Variants in UBTD1 observed in about 807,000 individuals in gnomAD.
The protein encoded by UBTD1 is ubiquitin domain-containing protein 1.
A neutral mutation model predicts 21.7 loss-of-function variants in UBTD1; 19 were observed. The ratio of observed to expected loss-of-function variants is 0.87; its 90% CI spans 0.61 to 1.28. The LOEUF (loss-of-function observed/expected upper bound fraction) is 1.28, where lower values mean the gene tolerates loss of function less well. Among genes scored for constraint, UBTD1 ranks in the 50% most tolerant of loss-of-function variants. UBTD1 has a pLI of 0.00. For missense variants in UBTD1, 282 were observed against 315.1 expected, an observed-to-expected ratio of 0.89 and a Z score of 0.80; for synonymous variants, 116 against 135.1, an observed-to-expected ratio of 0.86 and a Z score of 0.98.
At chr10:97,512,383 G>C (rs887585414) in intron 1 of UBTD1, among the ~76,000 whole-genome samples, 2 of 152,178 alleles carry the variant, frequency 1.3e-5, no homozygotes, top group African/African-American at 2.4e-5. Flanking sequence ...CAGATCCACA[G>C]AGCCAAGAGC....
At chr10:97,520,379 G>A (rs1292873978) in intron 1 of UBTD1, among the ~76,000 whole-genome samples, 1 of 152,194 alleles carries the variant, frequency 6.6e-6, no homozygotes, top group African/African-American at 2.4e-5. Flanking sequence ...GCCCAGATGA[G>A]CATTGAGTTT....
intron 1 of UBTD1, among the ~76,000 whole-genome samples, chr10:97,546,251 C>T (rs1035400427): frequency 9.9e-5 from 15 of 152,134 alleles, no homozygotes; most frequent in African/African-American, 3.6e-4. Flanking sequence ...GCCAGCCATG[C>T]TGAATTAGAG....
chr10:97,562,856 C>A (rs551153006), intron 1 of UBTD1, among the ~76,000 whole-genome samples: 8 of 152,072 alleles, frequency 5.3e-5, no homozygotes, highest in Non-Finnish European at 8.8e-5. Flanking sequence ...ACATTCCTGT[C>A]TTCTTATATT....
chr10:97,506,660 A>G (rs1247181596), intron 1 of UBTD1, among the ~76,000 whole-genome samples: 1 of 152,118 alleles, frequency 6.6e-6, no homozygotes, highest in African/African-American at 2.4e-5. Flanking sequence ...ATTAAGCACT[A>G]TCCATTTCTT....
chr10:97,544,430 T>A (rs2040599782), intron 1 of UBTD1, among the ~76,000 whole-genome samples: 1 of 152,074 alleles, frequency 6.6e-6, no homozygotes, highest in African/African-American at 2.4e-5. Context: ...GCTGATGGAT[T>A]TCAGATCAAA....
intron 1 of UBTD1, among the ~76,000 whole-genome samples, chr10:97,536,819 C>G (rs2040563919): frequency 6.6e-6 from 1 of 152,110 alleles, no homozygotes; most frequent in Non-Finnish European, 1.5e-5. Flanking sequence ...CCTTCTGAAT[C>G]TCCTTTATGC....
At chr10:97,509,474 G>A (rs747830632) in intron 1 of UBTD1, among the ~76,000 whole-genome samples, 14 of 152,306 alleles carry the variant, frequency 9.2e-5, no homozygotes, top group South Asian at 2.1e-4. Context: ...GGGGAACAAC[G>A]CAAAGCTCAT....
At chr10:97,523,558 T>A (rs1564737350) in intron 1 of UBTD1, among the ~76,000 whole-genome samples, 1 of 151,980 alleles carries the variant, frequency 6.6e-6, no homozygotes, top group African/African-American at 2.4e-5. Context: ...CTCCACTGTT[T>A]CCTTGCTAGC....
At chr10:97,539,038 T>C (rs926577001) in intron 1 of UBTD1, among the ~76,000 whole-genome samples, 5 of 152,306 alleles carry the variant, frequency 3.3e-5, no homozygotes, top group African/African-American at 1.2e-4. Flanking sequence ...TGTGTTGCCC[T>C]GGGCCTGAGG....
intron 1 of UBTD1, among the ~76,000 whole-genome samples, chr10:97,545,410 G>GT: frequency 1.2e-4 from 8 of 65,526 alleles, no homozygotes; most frequent in African/African-American, 3.9e-4. Flanking sequence ...GTGTGTGTGT[G>GT]GGTGTGGGTG....
At chr10:97,514,243 CTT>C (rs1031497555) in intron 1 of UBTD1, among the ~76,000 whole-genome samples, 40 of 152,194 alleles carry the variant, frequency 2.6e-4, no homozygotes, top group African/African-American at 8.4e-4. Flanking sequence ...ACTTGGGACT[CTT>C]TCATTACCCA....
Position 97,570,187 on chromosome 10 carries a change from C to G in UBTD1, c.348C>G (p.Pro116=). ...YDELGNRYQL[P]IYCLSPPVNL... ...AGCTGGGCAATCGCTACCAGCTGCC[C>G]ATCTACTGCCTGTCACCGCCGGTGA... is the stretch of plus-strand genomic sequence containing the variant. Residue 116 remains proline, a synonymous_variant, in exon 3 of 3, where the codon CCC becomes CCG. Coordinates refer to ENST00000370664, the MANE Select transcript of UBTD1 (RefSeq NM_024954.5). This position sits in a 1 kb window ranked among gnomAD's most constrained non-coding sequence, Gnocchi z 6.6. The G allele has an allele frequency of 6.2e-7, 1 of 1,612,958 alleles. No individual in the cohort carries two copies. Among genetic ancestry groups the G allele is most frequent in the Non-Finnish European group, 8.5e-7 (1 of 1,179,796 alleles).
chr10:97,555,511 G>C (rs2040659807), intron 1 of UBTD1, among the ~76,000 whole-genome samples: 1 of 152,204 alleles, frequency 6.6e-6, no homozygotes, highest in South Asian at 2.1e-4. Context: ...CCGAGTTGTA[G>C]AAGGAAGGGC....
At chr10:97,501,777 G>A (rs963872645) in intron 1 of UBTD1, among the ~76,000 whole-genome samples, 3 of 151,928 alleles carry the variant, frequency 2.0e-5, no homozygotes, top group African/African-American at 7.3e-5. Context: ...CCTTCTTATC[G>A]AGAGTCTTTC....
At chr10:97,516,753 A>G (rs1028180834) in intron 1 of UBTD1, among the ~76,000 whole-genome samples, 3 of 152,006 alleles carry the variant, frequency 2.0e-5, no homozygotes, top group African/African-American at 7.2e-5. Context: ...CCTGGGCAAC[A>G]GAGTGAGACT....
At chr10:97,501,939 C>G (rs890828215) in intron 1 of UBTD1, among the ~76,000 whole-genome samples, 2 of 152,160 alleles carry the variant, frequency 1.3e-5, no homozygotes, top group African/African-American at 4.8e-5. Context: ...ATCTATGCCA[C>G]TTACTTAACA....
intron 1 of UBTD1, among the ~76,000 whole-genome samples, chr10:97,535,395 C>T (rs2040555173): frequency 6.6e-6 from 1 of 152,182 alleles, no homozygotes; most frequent in African/African-American, 2.4e-5. Context: ...GCGGGCAGAT[C>T]ACGAGATCAG....
intron 1 of UBTD1, among the ~76,000 whole-genome samples, chr10:97,535,953 A>AAT: frequency 8.0e-6 from 1 of 125,526 alleles, no homozygotes; most frequent in East Asian, 2.0e-4. Flanking sequence ...TATCACCTAC[A>AAT]TGTAGTTGGA....
intron 1 of UBTD1, among the ~76,000 whole-genome samples, chr10:97,563,985 G>A (rs11528108): frequency 0.27 from 41,073 of 152,088 alleles, 5,835 homozygotes; most frequent in East Asian, 0.49. Context: ...CTGGCTGTCC[G>A]ACGGACACAG....
Sources: allele counts gnomAD v4.1 joint callset (sites outside exome capture counted in the v4.1 genomes callset), GRCh38; gene constraint gnomAD v4.1.1; non-coding constraint Gnocchi (gnomAD v3.1); transcripts MANE v1.5; gene names NCBI Gene and HGNC (gene_info 2026-07-23, HGNC 2026-07-21).